CLECL1: variants seen among roughly 807,000 people sequenced by gnomAD.
The protein encoded by CLECL1 is C-type lectin-like domain family 1.
At chr12:9,733,535 A>G (rs1281070476), upstream of CLECL1, among the ~76,000 whole-genome samples, 1 of 152,212 alleles carries the variant, frequency 6.6e-6, no homozygotes, top group Non-Finnish European at 1.5e-5. Context: ...CTCTAAATGC[A>G]TTGTATTGTC....
At chr12:9,726,063 C>A (rs371807895) in intron 3 of CLECL1, among the ~76,000 whole-genome samples, 9 of 151,938 alleles carry the variant, frequency 5.9e-5, no homozygotes, top group Admixed American at 3.9e-4. Context: ...AAGAAACAAT[C>A]TTTAATTTTT....
chr12:9,732,524 A>T lies in CLECL1; in HGVS notation n.82+425T>A, dbSNP rs1483043414. Among the ~76,000 whole-genome samples the T allele has an allele frequency of 3.9e-5, 6 of 152,240 alleles. No homozygotes were observed. The East Asian group carries it at 9.6e-4, about 24-fold the overall frequency. ...TTAAGTTTACATTTTTATCCTATTG[A>T]TATTGTAAAAGAATAAATAACAATA... On this transcript the variant is annotated intron_variant and non_coding_transcript_variant, in intron 1 of 3. Coordinates refer to ENST00000621400, the Ensembl canonical transcript of CLECL1.
rs746530546 is a variant in CLECL1 at position 9,725,395 on chromosome 12, T to A, written n.262+2170A>T. Reference sequence around the variant, plus strand: ...GCACCTAAATCAAACCCTTTCTGAGTAAGTGTATAATTATTGCGAAAGATA... The same window carrying A: ...GCACCTAAATCAAACCCTTTCTGAGAAAGTGTATAATTATTGCGAAAGATA... On this transcript the variant is annotated intron_variant and non_coding_transcript_variant, in intron 3 of 3. Coordinates refer to ENST00000621400, the Ensembl canonical transcript of CLECL1. Among the ~76,000 whole-genome samples the A allele has an allele frequency of 1.6e-3, 237 of 152,220 alleles. 1 individual carries two copies. The highest frequency in any genetic ancestry group is 5.5e-3 in the African/African-American group (229 of 41,572).
chr12:9,728,506 G>T (rs1419592028), intron 2 of CLECL1, among the ~76,000 whole-genome samples: 2 of 151,752 alleles, frequency 1.3e-5, no homozygotes, highest in African/African-American at 4.8e-5. Context: ...CAGGTCCTGG[G>T]TCTCTAGAGT....
chr12:9,727,106 A>G (rs188832878), intron 3 of CLECL1, among the ~76,000 whole-genome samples: 109 of 151,946 alleles, frequency 7.2e-4, no homozygotes, highest in African/African-American at 2.4e-3. Flanking sequence ...GAAAATTCAA[A>G]GGCCATCTAC....
At chr12:9,719,957 C>T (rs1866288853), downstream of CLECL1, among the ~76,000 whole-genome samples, 1 of 152,190 alleles carries the variant, frequency 6.6e-6, no homozygotes, top group South Asian at 2.1e-4. Flanking sequence ...TTCTGTCTCT[C>T]TTCCAGCAGC....
exon 3 of CLECL1, chr12:9,715,989 A>G (rs888877570): frequency 1.3e-5 from 2 of 152,278 alleles, no homozygotes; most frequent in African/African-American, 4.8e-5. Flanking sequence ...TCCTGCCCAC[A>G]AATTGCCTTG....
intron 3 of CLECL1, among the ~76,000 whole-genome samples, chr12:9,725,539 C>T (rs1866369744): frequency 1.8e-5 from 2 of 109,254 alleles, no homozygotes. Context: ...ATTTTGATAT[C>T]ATAGAATATA....
chr12:9,703,264 T>C, the CLECL1 span, among the ~76,000 whole-genome samples: 1 of 152,216 alleles, frequency 6.6e-6, no homozygotes, highest in Non-Finnish European at 1.5e-5. Context: ...AGACAGCTGT[T>C]AAATGTTGTT....
downstream of CLECL1, chr12:9,722,626 C>T: frequency 6.2e-7 from 1 of 1,604,028 alleles, no homozygotes; most frequent in African/African-American, 1.3e-5. Flanking sequence ...GCTGTCACCT[C>T]TAAATGTTAA....
chr12:9,730,211 C>T (rs1351721030), intron 1 of CLECL1, among the ~76,000 whole-genome samples: 1 of 152,170 alleles, frequency 6.6e-6, no homozygotes, highest in Non-Finnish European at 1.5e-5. Context: ...TATCTAACCT[C>T]AGGTCTCTTG....
At chr12:9,729,411 A>G (rs1318719445) in intron 2 of CLECL1, among the ~76,000 whole-genome samples, 1 of 152,152 alleles carries the variant, frequency 6.6e-6, no homozygotes, top group African/African-American at 2.4e-5. Flanking sequence ...TATAATGTAT[A>G]TTTTATCACA....
chr12:9,724,618 A>G (rs1446256553), intron 3 of CLECL1, among the ~76,000 whole-genome samples: 1 of 152,208 alleles, frequency 6.6e-6, no homozygotes, highest in Non-Finnish European at 1.5e-5. Flanking sequence ...TTAACAGGAA[A>G]ACAAGTTAGC....
At chr12:9,732,984 G>A in exon 1 of CLECL1, 1 of 1,610,084 alleles carries the variant, frequency 6.2e-7, no homozygotes, top group Non-Finnish European at 8.5e-7. Context: ...TTCTAACGGG[G>A]AAGTCCGAAC....
At chr12:9,713,133 G>C (rs1866211322), downstream of CLECL1, among the ~76,000 whole-genome samples, 2 of 152,246 alleles carry the variant, frequency 1.3e-5, no homozygotes, top group Non-Finnish European at 2.9e-5. Flanking sequence ...GGTGGTACAT[G>C]ATAGGGACTG....
chr12:9,724,573 T>C (rs2121053408), intron 3 of CLECL1, among the ~76,000 whole-genome samples: 1 of 152,232 alleles, frequency 6.6e-6, no homozygotes. Context: ...ACATTTTATA[T>C]AAAAACCATC....
chr12:9,729,921 A>T (rs1196047798), intron 1 of CLECL1, among the ~76,000 whole-genome samples: 4 of 151,898 alleles, frequency 2.6e-5, no homozygotes, highest in Non-Finnish European at 2.9e-5. Flanking sequence ...TATTGATCTT[A>T]CTTATGATCA....
chr12:9,732,654 C>G (rs371990630), intron 1 of CLECL1, among the ~76,000 whole-genome samples: 4 of 152,100 alleles, frequency 2.6e-5, no homozygotes, highest in African/African-American at 9.7e-5. Flanking sequence ...AGCAGAAAGG[C>G]GTGATCCCGC....
At chr12:9,722,428 G>T (rs1591717075), downstream of CLECL1, 2 of 863,170 alleles carry the variant, frequency 2.3e-6, no homozygotes, top group South Asian at 2.9e-5. Context: ...AGAAGAGCTT[G>T]GTATAAAACA....
Sources: allele counts gnomAD v4.1 joint callset (sites outside exome capture counted in the v4.1 genomes callset), GRCh38; gene constraint gnomAD v4.1.1; transcripts MANE v1.5; gene names NCBI Gene and HGNC (gene_info 2026-07-23, HGNC 2026-07-21).